Variants in L3MBTL3 observed in about 807,000 individuals in gnomAD.
L3MBTL3 encodes the protein lethal(3)malignant brain tumor-like protein 3.
Under a neutral mutation model 102.3 loss-of-function variants are expected in L3MBTL3, and 27 were observed. The ratio of observed to expected loss-of-function variants is 0.26; its 90% CI spans 0.19 to 0.36. The LOEUF (loss-of-function observed/expected upper bound fraction) is 0.36, where lower values mean the gene tolerates loss of function less well. Ranked by LOEUF, L3MBTL3 falls within the 10% of genes least tolerant of loss-of-function variation. L3MBTL3 has a pLI of 1.00. For missense variants in L3MBTL3, 798 were observed against 955.3 expected (o/e 0.84, Z 2.17); for synonymous variants, 340 against 320.9 (o/e 1.06, Z -0.64).
rs775183739 is a variant in L3MBTL3, at chr6:130,133,618, C to T, written c.2133C>T (p.Asp711=). The T allele has an allele frequency of 7.4e-6, 12 of 1,613,136 alleles. No homozygotes were observed. Among genetic ancestry groups the T allele is most frequent in the Middle Eastern group, 1.6e-4 (1 of 6,084 alleles). The change falls in exon 21 of 23, where the codon GAC becomes GAT. Residue 711 remains aspartate (D), a synonymous_variant. Transcript: ENST00000361794. This position sits in a 1 kb window ranked among gnomAD's most constrained non-coding sequence, Gnocchi z 4.9. ...PASKVSKWST[D]EVSEFIQSLP... is the part of the protein sequence containing the mutation. The stretch of plus-strand genomic sequence containing the variant: ...GTAAAGTTTCCAAATGGAGCACAGA[C>T]GAGGTATATTTTATTTTCTTTGCTG...
At chr6:130,115,363 A>T (rs1426705707) in intron 19 of L3MBTL3, among the ~76,000 whole-genome samples, 1 of 152,362 alleles carries the variant, frequency 6.6e-6, no homozygotes, top group East Asian at 1.9e-4. Flanking sequence ...ATTTCAATCT[A>T]CATGGCAATC....
intron 2 of L3MBTL3, among the ~76,000 whole-genome samples, chr6:130,025,282 G>A (rs1392654237): frequency 6.6e-6 from 1 of 152,152 alleles, no homozygotes; most frequent in African/African-American, 2.4e-5. Context: ...AAGTTCAGCG[G>A]ATCCATGGAA....
At chr6:130,025,169 C>T (rs1584268114) in intron 2 of L3MBTL3, among the ~76,000 whole-genome samples, 1 of 152,124 alleles carries the variant, frequency 6.6e-6, no homozygotes, top group Admixed American at 6.5e-5. Flanking sequence ...GGGATTTGTT[C>T]CTCACAAGGA....
At position 130,052,684 on chromosome 6, in the gene L3MBTL3, T is replaced by G. The variant is rs943137841; in HGVS notation, c.450-175T>G. Among the ~76,000 whole-genome samples, 43 of 152,244 alleles carry G rather than the reference T, an allele frequency of 2.8e-4. 1 individual carries two copies. The highest frequency in any genetic ancestry group is 1.0e-3 in the African/African-American group (43 of 41,468). ...ACAGACAGATGTCATATGTAATAGT[T>G]GTTTTCAGTGTTCCTGATATATGAT... is the stretch of plus-strand genomic sequence containing the variant. On this transcript the variant is annotated intron_variant, in intron 6 of 22. Coordinates refer to ENST00000361794, the MANE Select transcript of L3MBTL3 (RefSeq NM_032438.4).
At chr6:130,062,658 G>T (rs1289630959) in intron 10 of L3MBTL3, among the ~76,000 whole-genome samples, 2 of 149,818 alleles carry the variant, frequency 1.3e-5, no homozygotes, top group African/African-American at 4.9e-5. Context: ...GCCTCCCAAA[G>T]TGCTTGTATA....
chr6:130,084,394 GATAA>G (rs1356163862), intron 15 of L3MBTL3, among the ~76,000 whole-genome samples: 1 of 151,838 alleles, frequency 6.6e-6, no homozygotes, highest in Non-Finnish European at 1.5e-5. Context: ...ATGAGCTTAT[GATAA>G]ATAATTTTCT....
At chr6:130,088,885 AT>A (rs1241407868) in intron 16 of L3MBTL3, among the ~76,000 whole-genome samples, 9 of 151,722 alleles carry the variant, frequency 5.9e-5, no homozygotes, top group African/African-American at 1.7e-4. Flanking sequence ...GTTATTTTAC[AT>A]TGTTTTGTTC....
At chr6:130,062,715 G>A (rs767212918) in intron 10 of L3MBTL3, among the ~76,000 whole-genome samples, 10 of 150,896 alleles carry the variant, frequency 6.6e-5, no homozygotes, top group Non-Finnish European at 1.2e-4. Context: ...TTAACCATTG[G>A]GTAGTTCTCC....
intron 22 of L3MBTL3, among the ~76,000 whole-genome samples, chr6:130,134,681 A>G (rs1787431151): frequency 6.6e-6 from 1 of 152,226 alleles, no homozygotes; most frequent in African/African-American, 2.4e-5. Flanking sequence ...GCCAGAAGGC[A>G]GAAAGTAGAC....
chr6:130,084,595 T>C (rs1783560911), intron 15 of L3MBTL3, among the ~76,000 whole-genome samples: 1 of 152,184 alleles, frequency 6.6e-6, no homozygotes, highest in South Asian at 2.1e-4. Context: ...AGAAAACTGT[T>C]TAGAGTTATG....
intron 9 of L3MBTL3, among the ~76,000 whole-genome samples, chr6:130,059,294 C>A (rs931898070): frequency 2.0e-5 from 3 of 152,136 alleles, no homozygotes; most frequent in Admixed American, 1.3e-4. Flanking sequence ...ATACACAGAT[C>A]CTTCCCTTAT....
intron 18 of L3MBTL3, among the ~76,000 whole-genome samples, chr6:130,095,447 G>A (rs1317883203): frequency 6.6e-6 from 1 of 152,124 alleles, no homozygotes; most frequent in Non-Finnish European, 1.5e-5. Flanking sequence ...GGATGATGAT[G>A]ATTCCGTTTG....
intron 7 of L3MBTL3, among the ~76,000 whole-genome samples, chr6:130,053,635 A>C (rs1223458509): frequency 3.2e-4 from 44 of 138,712 alleles, no homozygotes; most frequent in Non-Finnish European, 6.0e-4. Context: ...ACTGTGTCTC[A>C]AAAAAAAAAA....
intron 12 of L3MBTL3, 107 bp from the exon 13 acceptor site, chr6:130,070,869 A>G: frequency 1.8e-6 from 1 of 540,594 alleles, no homozygotes; most frequent in Non-Finnish European, 2.9e-6. Context: ...AATTATGTGA[A>G]TACAGCAGTG....
intron 11 of L3MBTL3, among the ~76,000 whole-genome samples, chr6:130,067,233 C>A (rs1782319087): frequency 6.6e-6 from 1 of 152,188 alleles, no homozygotes; most frequent in South Asian, 2.1e-4. Context: ...CCTACCTCAG[C>A]CTCCCGAATA....
At chr6:130,078,526 A>G in intron 13 of L3MBTL3, 32 bp from the exon 14 acceptor site, 1 of 1,461,624 alleles carries the variant, frequency 6.8e-7, no homozygotes, top group Non-Finnish European at 9.6e-7. Flanking sequence ...TTATCCTGAT[A>G]ATTGCAGTTT....
chr6:130,045,052 AT>A (rs1166462220), intron 3 of L3MBTL3, among the ~76,000 whole-genome samples: 1 of 152,152 alleles, frequency 6.6e-6, no homozygotes, highest in Admixed American at 6.5e-5. Context: ...GTATGCCTCA[AT>A]TTTTGCTGTT....
At chr6:130,061,868 G>A (rs1781921749) in intron 10 of L3MBTL3, among the ~76,000 whole-genome samples, 1 of 152,156 alleles carries the variant, frequency 6.6e-6, no homozygotes, top group Non-Finnish European at 1.5e-5. Context: ...AACCAGGAGA[G>A]GGGCCTGCAG....
At chr6:130,099,802 C>T (rs753732347) in intron 18 of L3MBTL3, among the ~76,000 whole-genome samples, 1 of 152,120 alleles carries the variant, frequency 6.6e-6, no homozygotes, top group African/African-American at 2.4e-5. Context: ...GTGCCGGTGT[C>T]CTCATTTATA....
Sources: allele counts gnomAD v4.1 joint callset (sites outside exome capture counted in the v4.1 genomes callset), GRCh38; gene constraint gnomAD v4.1.1; non-coding constraint Gnocchi (gnomAD v3.1); transcripts MANE v1.5; gene names NCBI Gene and HGNC (gene_info 2026-07-23, HGNC 2026-07-21).